Variants in SMAP2 observed in about 807,000 individuals in gnomAD.
The protein encoded by SMAP2 is stromal membrane-associated protein 2.
SMAP2 carries 25 observed loss-of-function variants against 56.4 expected under a neutral mutation model. That is an observed-to-expected ratio of 0.44 (90% CI 0.32 to 0.62). The LOEUF is 0.62. SMAP2 is among the 20% of genes least tolerant of loss of function. The probability of loss-of-function intolerance (pLI) is 0.04; values close to 1 mark genes in which losing one functional copy is unlikely to be tolerated. For synonymous variants in SMAP2, 157 were observed against 181.7 expected (o/e 0.86, Z 1.09); for missense variants, 388 against 545.6 (o/e 0.71, Z 2.88).
chr1:40,372,964 C>G (rs209573), upstream of SMAP2, among the ~76,000 whole-genome samples: 55,291 of 152,090 alleles, frequency 0.36, 10,577 homozygotes, highest in Non-Finnish European at 0.43. Context: ...GAGAAATTAT[C>G]TGTAGCAACG....
intron 1 of SMAP2, among the ~76,000 whole-genome samples, chr1:40,382,277 G>A (rs920526454): frequency 6.6e-6 from 1 of 152,140 alleles, no homozygotes; most frequent in Non-Finnish European, 1.5e-5. Flanking sequence ...TGCAATCGGT[G>A]ACTGCGACAT....
At chr1:40,363,998 C>T (rs1644469387) in intron 2 of SMAP2, among the ~76,000 whole-genome samples, 1 of 152,170 alleles carries the variant, frequency 6.6e-6, no homozygotes, top group Non-Finnish European at 1.5e-5. Context: ...CATAGTAAAA[C>T]AGGGAGCATA....
At chr1:40,413,947 G>T in intron 5 of SMAP2, 1 of 518,288 alleles carries the variant, frequency 1.9e-6, no homozygotes, top group South Asian at 2.1e-5. Context: ...AATCACAGGC[G>T]ATATCTTTGT....
intron 1 of SMAP2, among the ~76,000 whole-genome samples, chr1:40,394,685 C>T (rs209597): frequency 0.91 from 138,225 of 152,210 alleles, 63,016 homozygotes; most frequent in African/African-American, 0.98. Context: ...CTCTCAGACA[C>T]TACCACCAAG....
chr1:40,346,817 T>C (rs911810747), intron 1 of SMAP2, among the ~76,000 whole-genome samples: 7 of 152,130 alleles, frequency 4.6e-5, no homozygotes, highest in African/African-American at 1.7e-4. Flanking sequence ...ATTAAACTTC[T>C]TTTGCTGGTT....
chr1:40,420,819 T>C lies in SMAP2; in HGVS notation c.1165-1157T>C, dbSNP rs904608997. ...CTACAAAATAACTGTCCTGGGTTCT[T>C]AAAAATGTCAGTGTCAGGAAGAAAT... is the stretch of plus-strand genomic sequence containing the variant. On this transcript the variant is annotated intron_variant, in intron 9 of 9. Transcript: ENST00000372718. Among the ~76,000 whole-genome samples, 8 of 152,300 alleles carry C rather than the reference T, an allele frequency of 5.3e-5. No individual in the cohort carries two copies. The South Asian group carries it at 1.0e-3, about 20-fold the overall frequency.
At chr1:40,403,082 A>T (rs1361883250) in intron 1 of SMAP2, among the ~76,000 whole-genome samples, 1 of 152,212 alleles carries the variant, frequency 6.6e-6, no homozygotes, top group Non-Finnish European at 1.5e-5. Context: ...AGAGAAATAA[A>T]GGAAGCTGCT....
intron 1 of SMAP2, among the ~76,000 whole-genome samples, chr1:40,346,720 GA>G (rs56073588): frequency 0.85 from 128,053 of 149,968 alleles, 55,013 homozygotes; most frequent in African/African-American, 0.96. Context: ...GTGTTTCTCA[GA>G]AAAAAAAAAA....
At chr1:40,379,943 G>A (rs1644581225) in intron 1 of SMAP2, among the ~76,000 whole-genome samples, 1 of 152,192 alleles carries the variant, frequency 6.6e-6, no homozygotes, top group Non-Finnish European at 1.5e-5. Flanking sequence ...TGTAGACTTG[G>A]TATTGGAACA....
At chr1:40,351,792 G>A (rs781043608) in intron 1 of SMAP2, among the ~76,000 whole-genome samples, 11 of 152,014 alleles carry the variant, frequency 7.2e-5, no homozygotes, top group South Asian at 2.1e-4. Context: ...GTGAGCCACC[G>A]CGCTCAGCCT....
chr1:40,382,363 A>G (rs1218325204), intron 1 of SMAP2, among the ~76,000 whole-genome samples: 1 of 152,232 alleles, frequency 6.6e-6, no homozygotes, highest in East Asian at 1.9e-4. Flanking sequence ...GTGAAGGGAT[A>G]AAGTGACTTA....
At chr1:40,399,310 ATTTTTTTTTT>A (rs747127620) in intron 1 of SMAP2, among the ~76,000 whole-genome samples, 2 of 91,956 alleles carry the variant, frequency 2.2e-5, no homozygotes, top group South Asian at 4.2e-4. Flanking sequence ...ACGTGTGGCT[ATTTTTTTTTT>A]TTTTTTTTTT....
At chr1:40,371,157 G>C (rs1275039336), upstream of SMAP2, among the ~76,000 whole-genome samples, 1 of 152,020 alleles carries the variant, frequency 6.6e-6, no homozygotes, top group Non-Finnish European at 1.5e-5. Context: ...TGGCGACAGA[G>C]CGAGACTCGG....
At chr1:40,384,693 T>A (rs2124244517) in intron 1 of SMAP2, among the ~76,000 whole-genome samples, 1 of 152,364 alleles carries the variant, frequency 6.6e-6, no homozygotes, top group South Asian at 2.1e-4. Context: ...AGTTACCAAC[T>A]GTAACAATTG....
intron 1 of SMAP2, among the ~76,000 whole-genome samples, chr1:40,389,864 G>T (rs1001546260): frequency 6.6e-5 from 10 of 152,270 alleles, no homozygotes; most frequent in Non-Finnish European, 1.3e-4. Context: ...TTCGTTTAAA[G>T]AATCTTACTT....
rs908699077 is a variant in SMAP2 at position 40,404,987 on chromosome 1, A to T, written c.104-1749A>T. On this transcript the variant is annotated intron_variant, in intron 1 of 9. Coordinates refer to ENST00000372718, the MANE Select transcript of SMAP2 (RefSeq NM_022733.3). Reference sequence around the variant, plus strand: ...GTAAATCGGAGCTTGTGATAGCAATAAGGTATTGGGATAAAATTTCAGGCG... The same window carrying T: ...GTAAATCGGAGCTTGTGATAGCAATTAGGTATTGGGATAAAATTTCAGGCG... Among the ~76,000 whole-genome samples, 14 of 152,318 alleles carry T rather than the reference A, an allele frequency of 9.2e-5. 1 individual carries two copies. The highest frequency in any genetic ancestry group is 5.8e-4 in the East Asian group (3 of 5,186).
intron 4 of SMAP2, 94 bp from the exon 5 acceptor site, chr1:40,412,922 T>G: frequency 3.4e-6 from 3 of 882,946 alleles, no homozygotes; most frequent in Non-Finnish European, 5.2e-6. Flanking sequence ...TCAATAGGGA[T>G]TGGAGGTGTC....
intron 1 of SMAP2, among the ~76,000 whole-genome samples, chr1:40,394,052 CTT>C (rs1218241541): frequency 2.0e-5 from 3 of 152,114 alleles, no homozygotes; most frequent in Non-Finnish European, 2.9e-5. Context: ...AGCTGGCTCT[CTT>C]TATCATTTGC....
intron 1 of SMAP2, among the ~76,000 whole-genome samples, chr1:40,395,065 C>A (rs141057844): frequency 2.9e-4 from 44 of 152,242 alleles, no homozygotes; most frequent in African/African-American, 1.0e-3. Flanking sequence ...ATTAAAGACC[C>A]AGATCACAGG....
Sources: allele counts gnomAD v4.1 joint callset (sites outside exome capture counted in the v4.1 genomes callset), GRCh38; gene constraint gnomAD v4.1.1; transcripts MANE v1.5; gene names NCBI Gene and HGNC (gene_info 2026-07-23, HGNC 2026-07-21).